Variants in CDH12 observed in about 807,000 individuals in gnomAD.
The protein encoded by CDH12 is cadherin 12.
A neutral mutation model predicts 74.1 loss-of-function variants in CDH12; 41 were observed. That is an observed-to-expected ratio of 0.55 (90% CI 0.43 to 0.72). CDH12 has a LOEUF of 0.72. Among genes scored for constraint, CDH12 ranks in the 30% least tolerant of loss-of-function variants. CDH12 has a pLI of 0.00. For synonymous variants in CDH12, 399 were observed against 355.0 expected, an observed-to-expected ratio of 1.12 and a Z score of -1.39; for missense variants, 945 against 977.2, an observed-to-expected ratio of 0.97 and a Z score of 0.44.
chr5:21,931,069 T>C (rs1579979643), intron 6 of CDH12, among the ~76,000 whole-genome samples: 2 of 152,196 alleles, frequency 1.3e-5, no homozygotes, highest in Non-Finnish European at 2.9e-5. Context: ...ATAGGCAGAT[T>C]GTTTTATGAC....
intron 9 of CDH12, among the ~76,000 whole-genome samples, chr5:21,809,720 A>G (rs1438476103): frequency 6.6e-6 from 1 of 152,146 alleles, no homozygotes; most frequent in African/African-American, 2.4e-5. Context: ...TTTAGTCGAC[A>G]ACAATTTTAA....
intron 1 of CDH12, among the ~76,000 whole-genome samples, chr5:22,626,776 T>A (rs759077885): frequency 1.2e-4 from 19 of 152,056 alleles, no homozygotes; most frequent in Admixed American, 3.3e-4. Flanking sequence ...GACATAGAAT[T>A]CAGAATATGG....
chr5:22,304,081 G>A (rs754441041), intron 3 of CDH12, among the ~76,000 whole-genome samples: 4 of 152,034 alleles, frequency 2.6e-5, no homozygotes, highest in Non-Finnish European at 2.9e-5. Context: ...AAAGTTTTCT[G>A]TCAGGTCACA....
rs1561584325 is a variant in CDH12, at chr5:22,696,896, G to A, written c.-523+156162C>T. ...TTGAAACAATTAAGCTAGCAGGAAA[G>A]CCTAGAGGCCAGAACCTTGGTCTCT... On this transcript the variant is annotated intron_variant, in intron 1 of 14. Coordinates refer to ENST00000382254, the MANE Select transcript of CDH12 (RefSeq NM_004061.5). Among the ~76,000 whole-genome samples, 5 of 152,056 alleles carry A rather than the reference G, an allele frequency of 3.3e-5. No individual in the cohort carries two copies. In the South Asian group the frequency reaches 8.3e-4, roughly 25 times the overall value.
intron 5 of CDH12, among the ~76,000 whole-genome samples, chr5:22,021,788 G>A (rs968715549): frequency 8.5e-5 from 13 of 152,132 alleles, no homozygotes; most frequent in South Asian, 4.1e-4. Context: ...TAGAAAATGC[G>A]GTTCTGTTAT....
At chr5:21,872,916 T>C (rs529792702) in intron 6 of CDH12, among the ~76,000 whole-genome samples, 5 of 151,780 alleles carry the variant, frequency 3.3e-5, no homozygotes, top group African/African-American at 1.2e-4. Context: ...TATCTATCTA[T>C]CTATCATCTT....
intron 2 of CDH12, among the ~76,000 whole-genome samples, chr5:22,435,994 A>G (rs1388823095): frequency 6.6e-6 from 1 of 151,758 alleles, no homozygotes; most frequent in Non-Finnish European, 1.5e-5. Context: ...CACTACTCAC[A>G]ATAGCAAAGA....
At chr5:21,777,252 G>C (rs1040035642) in intron 11 of CDH12, among the ~76,000 whole-genome samples, 1 of 152,018 alleles carries the variant, frequency 6.6e-6, no homozygotes, top group East Asian at 1.9e-4. Flanking sequence ...CATTTATTGA[G>C]CATAGATAGA....
At chr5:22,474,518 T>A (rs1746091096) in intron 2 of CDH12, among the ~76,000 whole-genome samples, 2 of 152,120 alleles carry the variant, frequency 1.3e-5, no homozygotes. Context: ...CATAGGTGAT[T>A]GTTAACATTA....
At chr5:21,893,834 CCTTACATAAA>C (rs1753000138) in intron 6 of CDH12, among the ~76,000 whole-genome samples, 1 of 152,138 alleles carries the variant, frequency 6.6e-6, no homozygotes, top group Non-Finnish European at 1.5e-5. Context: ...TGAAATGGCT[CCTTACATAAA>C]CAGCTGCCAG....
intron 6 of CDH12, among the ~76,000 whole-genome samples, chr5:21,867,095 C>T (rs1166587235): frequency 1.3e-5 from 2 of 152,180 alleles, no homozygotes; most frequent in African/African-American, 4.8e-5. Flanking sequence ...TGGCTCTCAC[C>T]TGTAATCCCA....
At chr5:21,797,153 G>A (rs1746829204) in intron 10 of CDH12, among the ~76,000 whole-genome samples, 1 of 152,008 alleles carries the variant, frequency 6.6e-6, no homozygotes, top group Non-Finnish European at 1.5e-5. Context: ...GTCCTTGGTT[G>A]TGGCATTGAT....
At chr5:22,752,991 A>G (rs1230276903) in intron 1 of CDH12, among the ~76,000 whole-genome samples, 5 of 152,114 alleles carry the variant, frequency 3.3e-5, no homozygotes, top group Non-Finnish European at 7.4e-5. Context: ...GAAAATAAAC[A>G]AAGAAGGGAA....
At chr5:22,524,567 A>C (rs1403635339) in intron 1 of CDH12, among the ~76,000 whole-genome samples, 1 of 152,168 alleles carries the variant, frequency 6.6e-6, no homozygotes, top group Non-Finnish European at 1.5e-5. Context: ...AGTTGACAGC[A>C]TAAAGAGACA....
At chr5:22,557,848 A>T (rs10077090) in intron 1 of CDH12, among the ~76,000 whole-genome samples, 4 of 152,008 alleles carry the variant, frequency 2.6e-5, no homozygotes, top group Non-Finnish European at 5.9e-5. Context: ...CTTTTCTTTC[A>T]GGAAACATAG....
At chr5:22,656,318 A>G (rs1369964398) in intron 1 of CDH12, among the ~76,000 whole-genome samples, 1 of 152,206 alleles carries the variant, frequency 6.6e-6, no homozygotes, top group African/African-American at 2.4e-5. Flanking sequence ...TTTATCTTTA[A>G]AAAGGTGTTC....
intron 3 of CDH12, among the ~76,000 whole-genome samples, chr5:22,404,974 C>A (rs1275197944): frequency 2.6e-5 from 4 of 152,098 alleles, no homozygotes; most frequent in Non-Finnish European, 4.4e-5. Context: ...CTTTGGGAGG[C>A]CAAAGCAGGT....
intron 1 of CDH12, among the ~76,000 whole-genome samples, chr5:22,532,350 G>GATATATATAT (rs71609770): frequency 0.033 from 897 of 27,414 alleles, 180 homozygotes; most frequent in Non-Finnish European, 0.039. Context: ...ATATAAATAG[G>GATATATATAT]ATATATATAT....
intron 6 of CDH12, chr5:21,882,813 A>G: frequency 6.4e-7 from 1 of 1,559,522 alleles, no homozygotes; most frequent in Non-Finnish European, 8.8e-7. Context: ...CAACGTAACA[A>G]AAGATGGTGT....
Sources: gnomAD v4.1 joint callset for allele counts (sites outside exome capture counted in the v4.1 genomes callset) on GRCh38, gnomAD v4.1.1 for gene constraint, MANE v1.5 for transcripts, NCBI Gene and HGNC (gene_info 2026-07-23, HGNC 2026-07-21) for gene names.